LDLRAD4: variants seen among roughly 807,000 people sequenced by gnomAD.
LDLRAD4 encodes the protein low density lipoprotein receptor class A domain containing 4.
LDLRAD4 carries 5 observed loss-of-function variants against 17.0 expected under a neutral mutation model. The ratio of observed to expected loss-of-function variants is 0.29; its 90% CI spans 0.15 to 0.62. LDLRAD4 has a LOEUF of 0.62. LDLRAD4 is among the 20% of genes least tolerant of loss of function. The pLI is 0.84. For synonymous variants in LDLRAD4, 168 were observed against 171.8 expected (o/e 0.98, Z 0.17); for missense variants, 340 against 424.7 (o/e 0.80, Z 1.75).
intron 3 of LDLRAD4, among the ~76,000 whole-genome samples, chr18:13,567,091 G>T (rs914900948): frequency 6.6e-6 from 1 of 152,188 alleles, no homozygotes; most frequent in Non-Finnish European, 1.5e-5. Flanking sequence ...ACTTGTTCCC[G>T]TGTCACTGAC....
At chr18:13,410,982 G>A (rs970262258) in intron 2 of LDLRAD4, among the ~76,000 whole-genome samples, 7 of 152,230 alleles carry the variant, frequency 4.6e-5, no homozygotes, top group African/African-American at 1.7e-4. Flanking sequence ...CAGGTGCGGT[G>A]GCTTACGCCT....
chr18:13,643,838 G>T (rs1233625823), intron 5 of LDLRAD4, among the ~76,000 whole-genome samples: 2 of 152,158 alleles, frequency 1.3e-5, no homozygotes, highest in Non-Finnish European at 2.9e-5. Context: ...TACGTGTGTA[G>T]ATATGTGTGT....
At chr18:13,496,047 G>A (rs370042873) in intron 3 of LDLRAD4, among the ~76,000 whole-genome samples, 6 of 152,222 alleles carry the variant, frequency 3.9e-5, no homozygotes, top group African/African-American at 1.2e-4. Flanking sequence ...TCTCTGCCTC[G>A]AGGAGATTTG....
chr18:13,535,240 G>C (rs533855702), intron 3 of LDLRAD4, among the ~76,000 whole-genome samples: 120 of 152,324 alleles, frequency 7.9e-4, no homozygotes, highest in Non-Finnish European at 1.5e-3. Context: ...AATGGGTAAC[G>C]CTATACTGGT....
intron 2 of LDLRAD4, among the ~76,000 whole-genome samples, chr18:13,426,627 C>G (rs1207765799): frequency 6.6e-6 from 1 of 152,140 alleles, no homozygotes; most frequent in Non-Finnish European, 1.5e-5. Context: ...CACTTTGATC[C>G]CAGCCTTGAG....
chr18:13,590,050 CATGT>C (rs2094993367), intron 3 of LDLRAD4, among the ~76,000 whole-genome samples: 1 of 146,592 alleles, frequency 6.8e-6, no homozygotes, highest in Admixed American at 6.7e-5. Flanking sequence ...TGTGAGTGTG[CATGT>C]GTGTGACTGC....
intron 1 of LDLRAD4, among the ~76,000 whole-genome samples, chr18:13,228,396 C>G (rs142539487): frequency 6.6e-6 from 1 of 152,232 alleles, no homozygotes; most frequent in East Asian, 1.9e-4. Flanking sequence ...GGGTGCCTGA[C>G]AAATCCACCT....
chr18:13,374,416 A>G (rs569505158), intron 1 of LDLRAD4, among the ~76,000 whole-genome samples: 2 of 152,334 alleles, frequency 1.3e-5, no homozygotes, highest in South Asian at 2.1e-4. Context: ...TGGAGTCTAG[A>G]ATCTCACTAA....
chr18:13,264,180 G>A (rs1324903880), intron 1 of LDLRAD4, among the ~76,000 whole-genome samples: 1 of 152,170 alleles, frequency 6.6e-6, no homozygotes, highest in Non-Finnish European at 1.5e-5. Flanking sequence ...CCGTTTGAAA[G>A]AGCGAGTGGG....
chr18:13,355,340 G>A (rs960001567), intron 1 of LDLRAD4, among the ~76,000 whole-genome samples: 1 of 152,180 alleles, frequency 6.6e-6, no homozygotes, highest in East Asian at 1.9e-4. Flanking sequence ...GGATAACTTG[G>A]TCAATTCCTG....
At position 13,592,289 on chromosome 18, in the gene LDLRAD4, G is replaced by T. The variant is rs1054217350; in HGVS notation, c.182-28828G>T. On this transcript the variant is annotated intron_variant, in intron 3 of 5. Coordinates refer to ENST00000359446, the Ensembl canonical transcript of LDLRAD4. ...AACCCAATATAAATACACACGTATT[G>T]TAATGACAACAAAAATGTCTCACAA... is the stretch of plus-strand genomic sequence containing the variant. Among the ~76,000 whole-genome samples the T allele has an allele frequency of 3.0e-4, 45 of 152,226 alleles. 1 individual carries two copies. Among genetic ancestry groups the T allele is most frequent in the Non-Finnish European group, 2.9e-5 (2 of 68,038 alleles).
intron 3 of LDLRAD4, chr18:13,486,759 T>G (rs1205470455): frequency 6.6e-6 from 1 of 152,194 alleles, no homozygotes; most frequent in African/African-American, 2.4e-5. Flanking sequence ...CACTGAAGGA[T>G]TCACTTTAAA....
chr18:13,234,710 C>T (rs1192900703), intron 1 of LDLRAD4, among the ~76,000 whole-genome samples: 1 of 152,058 alleles, frequency 6.6e-6, no homozygotes, highest in South Asian at 2.1e-4. Flanking sequence ...AGAGATGAGC[C>T]GGGGAGGCTG....
intron 3 of LDLRAD4, among the ~76,000 whole-genome samples, chr18:13,528,627 G>A (rs1424320683): frequency 6.6e-6 from 1 of 152,204 alleles, no homozygotes; most frequent in African/African-American, 2.4e-5. Flanking sequence ...GTTGAGCGCT[G>A]TTATTATCAT....
chr18:13,328,363 A>C (rs967839409), intron 1 of LDLRAD4, among the ~76,000 whole-genome samples: 1 of 151,578 alleles, frequency 6.6e-6, no homozygotes, highest in Non-Finnish European at 1.5e-5. Flanking sequence ...AATATTCATG[A>C]CTCCTCCTAG....
intron 1 of LDLRAD4, among the ~76,000 whole-genome samples, chr18:13,294,630 C>A (rs190913758): frequency 6.6e-6 from 1 of 152,248 alleles, no homozygotes; most frequent in Admixed American, 6.5e-5. Flanking sequence ...GGGCTCTTCA[C>A]TGCTGCCTGG....
At chr18:13,482,014 G>T (rs1337266058) in intron 3 of LDLRAD4, among the ~76,000 whole-genome samples, 1 of 151,996 alleles carries the variant, frequency 6.6e-6, no homozygotes, top group Non-Finnish European at 1.5e-5. Flanking sequence ...GCCTGCAGGG[G>T]CAGTGAGGAG....
At chr18:13,402,507 T>C (rs960226258) in intron 2 of LDLRAD4, among the ~76,000 whole-genome samples, 2 of 152,294 alleles carry the variant, frequency 1.3e-5, no homozygotes, top group African/African-American at 4.8e-5. Context: ...TTACGAAAAA[T>C]TAAAGATCTC....
At chr18:13,252,887 G>A (rs1164318849) in intron 1 of LDLRAD4, among the ~76,000 whole-genome samples, 2 of 152,192 alleles carry the variant, frequency 1.3e-5, no homozygotes, top group African/African-American at 4.8e-5. Context: ...TTGTAGTCTC[G>A]TTAGGCTTTG....
Sources: gnomAD v4.1 joint callset for allele counts (sites outside exome capture counted in the v4.1 genomes callset) on GRCh38, gnomAD v4.1.1 for gene constraint, MANE v1.5 for transcripts, NCBI Gene and HGNC (gene_info 2026-07-23, HGNC 2026-07-21) for gene names.